Variants in TRPM6 observed in about 807,000 individuals in gnomAD.
TRPM6 encodes transient receptor potential cation channel subfamily M member 6.
A neutral mutation model predicts 247.6 loss-of-function variants in TRPM6; 111 were observed. The observed-to-expected ratio is 0.45, with a 90% CI of 0.38 to 0.52. TRPM6 has a LOEUF of 0.52. Ranked by LOEUF, TRPM6 falls within the 20% of genes least tolerant of loss-of-function variation. TRPM6 has a pLI of 0.00. For synonymous variants in TRPM6, 892 were observed against 853.8 expected (o/e 1.04, Z -0.78); for missense variants, 2,126 against 2,421.5 (o/e 0.88, Z 2.56).
chr9:74,779,437 A>G (rs1827339333), intron 23 of TRPM6, among the ~76,000 whole-genome samples: 1 of 152,246 alleles, frequency 6.6e-6, no homozygotes, highest in Non-Finnish European at 1.5e-5. Flanking sequence ...TGTCTTCCCC[A>G]TGTTTAGGTA....
chr9:74,726,326 G>A (rs1825321218), intron 38 of TRPM6, among the ~76,000 whole-genome samples: 1 of 152,058 alleles, frequency 6.6e-6, no homozygotes, highest in South Asian at 2.1e-4. Context: ...GCTGGCCGAT[G>A]TGGTGAAACC....
chr9:74,825,895 C>T (rs991897931), intron 7 of TRPM6, among the ~76,000 whole-genome samples: 10 of 152,190 alleles, frequency 6.6e-5, no homozygotes, highest in Admixed American at 2.0e-4. Flanking sequence ...CTCTTCCTTC[C>T]CTCTGCTCTG....
chr9:74,824,158 C>CTT (rs35643292), intron 7 of TRPM6, among the ~76,000 whole-genome samples: 12 of 144,080 alleles, frequency 8.3e-5, no homozygotes, highest in Admixed American at 2.1e-4. Flanking sequence ...GTTAGGTACA[C>CTT]TTTTTTTTTT....
chr9:74,777,895 T>C (rs1312519297), intron 23 of TRPM6, among the ~76,000 whole-genome samples: 1 of 152,166 alleles, frequency 6.6e-6, no homozygotes, highest in African/African-American at 2.4e-5. Flanking sequence ...AACAAACAAA[T>C]CAGTAGTTAT....
At chr9:74,729,646 A>C (rs1825454689) in intron 37 of TRPM6, among the ~76,000 whole-genome samples, 1 of 152,190 alleles carries the variant, frequency 6.6e-6, no homozygotes, top group Non-Finnish European at 1.5e-5. Context: ...CTTTGTGTCC[A>C]TCTGGTAAGG....
intron 1 of TRPM6, among the ~76,000 whole-genome samples, chr9:74,865,282 T>A (rs1372575801): frequency 6.6e-6 from 1 of 152,178 alleles, no homozygotes; most frequent in Non-Finnish European, 1.5e-5. Context: ...GTTGAAGCCC[T>A]CATTATTTCA....
chr9:74,747,900 A>C lies in TRPM6; in HGVS notation c.5072T>G (p.Ile1691Ser). 1 of 1,611,236 alleles carries C rather than the reference A, an allele frequency of 6.2e-7. No homozygotes were observed. The highest frequency in any genetic ancestry group is 8.5e-7 in the Non-Finnish European group (1 of 1,178,542). Residue 1691 changes from isoleucine (I) to serine (S), a missense_variant, in exon 31 of 39, where the codon ATT becomes AGT. Around this residue, in one of 3 missense-constraint regions of TRPM6, gnomAD observed 717 missense variants for 715.9 expected, o/e 1.00. Coordinates refer to ENST00000360774, the MANE Select transcript of TRPM6 (RefSeq NM_017662.5). The stretch of plus-strand genomic sequence containing the variant: ...ACAGAAAAACTTACTGTCAACTCCA[A>C]TTGAACTTTTCAGCCTGTTTGAAAA... ...LNRNSLLKSS[I>S]GVDKISASLK...
chr9:74,863,377 C>T (rs897307276), intron 1 of TRPM6, among the ~76,000 whole-genome samples: 2 of 152,070 alleles, frequency 1.3e-5, no homozygotes, highest in Non-Finnish European at 2.9e-5. Flanking sequence ...TTTCAACTGC[C>T]ACCTGCCACA....
Position 74,761,686 on chromosome 9 carries a change from G to C in TRPM6, c.4785+10C>G. 6.5e-7 allele frequency: 1 copy of C among 1,537,154 alleles called. No homozygotes were observed. Among genetic ancestry groups the C allele is most frequent in the Non-Finnish European group, 9.0e-7 (1 of 1,111,008 alleles). On this transcript the variant is annotated intron_variant, in intron 27 of 38. Transcript: ENST00000360774. ...TCAAAACCTAAAAGACAGAATAACA[G>C]TACACTTACTGGCACCTGGAGTCCT...
chr9:74,867,390 TA>T (rs1554733926), intron 1 of TRPM6, among the ~76,000 whole-genome samples: 1 of 152,174 alleles, frequency 6.6e-6, no homozygotes. Context: ...TGACTGTGTG[TA>T]GACACTAGAG....
At chr9:74,786,597 G>A (rs1015569864) in intron 20 of TRPM6, among the ~76,000 whole-genome samples, 18 of 151,952 alleles carry the variant, frequency 1.2e-4, no homozygotes, top group Admixed American at 5.9e-4. Flanking sequence ...AAAATTAGCC[G>A]GGCGTGGTTG....
intron 7 of TRPM6, chr9:74,827,563 G>A: frequency 1.5e-6 from 1 of 668,468 alleles, no homozygotes; most frequent in Non-Finnish European, 2.7e-6. Context: ...ATGGAAGGAT[G>A]AAGACTTTAG....
intron 7 of TRPM6, among the ~76,000 whole-genome samples, chr9:74,823,080 CTG>C (rs1829188736): frequency 6.6e-6 from 1 of 152,154 alleles, no homozygotes; most frequent in South Asian, 2.1e-4. Flanking sequence ...ATTTAAATCA[CTG>C]TATTTTATTT....
intron 32 of TRPM6, among the ~76,000 whole-genome samples, chr9:74,743,142 T>C (rs1825918185): frequency 6.6e-6 from 1 of 152,206 alleles, no homozygotes; most frequent in African/African-American, 2.4e-5. Context: ...AGTTACAGTA[T>C]TCCTCACTAG....
At chr9:74,838,539 C>T (rs551956871) in intron 5 of TRPM6, among the ~76,000 whole-genome samples, 2 of 152,236 alleles carry the variant, frequency 1.3e-5, no homozygotes, top group Non-Finnish European at 2.9e-5. Context: ...GGCAGATGCT[C>T]AGGCCCTTGC....
chr9:74,777,972 G>A (rs1277813118), intron 23 of TRPM6, among the ~76,000 whole-genome samples: 4 of 152,194 alleles, frequency 2.6e-5, no homozygotes, highest in African/African-American at 7.2e-5. Flanking sequence ...AAACACTGAT[G>A]TGTAGCTAGC....
At chr9:74,808,281 C>A in intron 13 of TRPM6, 107 bp from the exon 14 acceptor site, 1 of 1,370,414 alleles carries the variant, frequency 7.3e-7, no homozygotes, top group Non-Finnish European at 1.0e-6. Context: ...GTAGACATAC[C>A]TTTTAAATAT....
At chr9:74,869,453 C>CAA (rs775850642) in intron 1 of TRPM6, among the ~76,000 whole-genome samples, 2 of 76,784 alleles carry the variant, frequency 2.6e-5, no homozygotes, top group Non-Finnish European at 5.4e-5. Context: ...GACTCCATCT[C>CAA]AAAAAAAAAA....
At chr9:74,840,261 G>A (rs1012772471) in intron 4 of TRPM6, 24 bp from the exon 5 acceptor site, 4 of 1,538,722 alleles carry the variant, frequency 2.6e-6, no homozygotes, top group Non-Finnish European at 3.6e-6. Flanking sequence ...ACATGTAGGT[G>A]AACAGAACAT....
Sources: gnomAD v4.1 joint callset for allele counts (sites outside exome capture counted in the v4.1 genomes callset) on GRCh38, gnomAD v4.1.1 for gene constraint, gnomAD v4.1.1 regional missense constraint, MANE v1.5 for transcripts, NCBI Gene and HGNC (gene_info 2026-07-23, HGNC 2026-07-21) for gene names.